Variants in ARHGAP27 observed in about 807,000 individuals in gnomAD.
ARHGAP27 encodes the protein Rho GTPase activating protein 27, also known as rho GTPase-activating protein 27.
ARHGAP27 carries 53 observed loss-of-function variants against 102.0 expected under a neutral mutation model. That is an observed-to-expected ratio of 0.52 (90% CI 0.42 to 0.65). ARHGAP27 has a LOEUF of 0.65. ARHGAP27 is among the 30% of genes least tolerant of loss of function. ARHGAP27 has a pLI of 0.00. For missense variants in ARHGAP27, 1,117 were observed against 1,256.2 expected, an observed-to-expected ratio of 0.89 and a Z score of 1.68; for synonymous variants, 525 against 542.8, an observed-to-expected ratio of 0.97 and a Z score of 0.46.
rs140457002 is a variant in ARHGAP27 at position 45,410,138 on chromosome 17, A to G, written c.658-4055T>C. The G allele has an allele frequency of 2.5e-3, 3,561 of 1,398,828 alleles. 32 individuals carry two copies. In the African/African-American group the frequency reaches 0.026, roughly 10 times the overall value. The allele number at this position is 1,398,828 out of a possible 1,614,324, so 86.7% of individuals were successfully genotyped here. A position where few individuals can be genotyped will look rare whatever the true frequency, so the allele number is the denominator to read the frequency against. ...AAGGAAGTATGAGCCCCAACTTCCA[A>G]GAGGCTCCCTGCTCTAAGCCCCAGC... On this transcript the variant is annotated intron_variant, in intron 4 of 19. Coordinates refer to ENST00000685559, the MANE Select transcript of ARHGAP27 (RefSeq NM_001282290.2).
At position 45,396,190 on chromosome 17, in the gene ARHGAP27, T is replaced by C. The variant is rs777341708; in HGVS notation, c.2251+17A>G. 1 of 1,600,864 alleles carries C rather than the reference T, an allele frequency of 6.2e-7. No homozygotes were observed. Among genetic ancestry groups the C allele is most frequent in the Non-Finnish European group, 8.5e-7 (1 of 1,172,680 alleles). On this transcript the variant is annotated intron_variant, in intron 17 of 19. Coordinates refer to ENST00000685559, the MANE Select transcript of ARHGAP27 (RefSeq NM_001282290.2). ...GCGCCTTCAGGCCCTGGGGCAGGGG[T>C]TGGGGACGGGCCTCACCGTGGTCCA...
At chr17:45,429,263 C>A in intron 4 of ARHGAP27, 1 of 603,044 alleles carries the variant, frequency 1.7e-6, no homozygotes, top group Non-Finnish European at 2.6e-6. Flanking sequence ...CTTGGGGCAG[C>A]AGCCGACCAT....
At position 45,395,770 on chromosome 17, in the gene ARHGAP27, C is replaced by T. The variant is rs766854891; in HGVS notation, c.2466G>A (p.Leu822=). 1.9e-6 allele frequency: 3 copies of T among 1,602,340 alleles called. No homozygotes were observed. Among genetic ancestry groups the T allele is most frequent in the Non-Finnish European group, 2.5e-6 (3 of 1,177,088 alleles). The change falls in exon 19 of 20, where the codon CTG becomes CTA. Residue 822 remains leucine (L), a synonymous_variant. Transcript: ENST00000685559. ...RSLPAPNHDT[L]RMLFQHLCRV... is the part of the protein sequence containing the mutation. The stretch of plus-strand genomic sequence containing the variant: ...GGCAGAGGTGCTGGAAGAGCATCCG[C>T]AGAGTGTCGTGGTTGGGAGCGGGCA...
chr17:45,406,030 G>A lies in ARHGAP27; in HGVS notation c.711C>T (p.Ala237=), dbSNP rs2047123296. 6 of 1,534,124 alleles carry A rather than the reference G, an allele frequency of 3.9e-6. No homozygotes were observed. The East Asian group carries it at 1.2e-4, about 31-fold the overall frequency. ...GGGCTGCAGCGGCGCCCGGTGAAGT[G>A]GCCCGGGGCTGCCTCTCTATGTTCG... ...VYANIERQPR[A]TSPGAAAAPL... is the part of the protein sequence containing the mutation. Residue 237 remains alanine, a synonymous_variant, in exon 5 of 20, where the codon GCC becomes GCT. Coordinates refer to ENST00000685559, the MANE Select transcript of ARHGAP27 (RefSeq NM_001282290.2).
chr17:45,429,949 C>T lies in ARHGAP27; in HGVS notation c.331G>A (p.Glu111Lys), dbSNP rs899241844. The T allele has an allele frequency of 8.0e-6, 9 of 1,130,208 alleles. No homozygotes were observed. The African/African-American group carries it at 1.3e-4, about 17-fold the overall frequency. The allele number at this position is 1,130,208 out of a possible 1,614,324, so 70.0% of individuals were successfully genotyped here. The change falls in exon 4 of 20, where the codon GAG becomes AAG. Residue 111 changes from glutamate (E) to lysine (K), a missense_variant. Transcript: ENST00000685559. ...GAGCTGGCTCGGCCTCCGGACTCCTCGGGGGCGCCGTCGGGGCCCGCGGTC... is the reference window on the plus strand; with the variant it reads ...GAGCTGGCTCGGCCTCCGGACTCCTTGGGGGCGCCGTCGGGGCCCGCGGTC... ...AATAGPDGAP[E>K]ESGGRASSLC...
At chr17:45,421,344 C>T (rs2106720) in intron 4 of ARHGAP27, among the ~76,000 whole-genome samples, 104,766 of 150,550 alleles carry the variant, frequency 0.7, 36,634 homozygotes, top group African/African-American at 0.73. Flanking sequence ...TAGCTGGGCA[C>T]GGTGGCGTGC....
Position 45,430,307 on chromosome 17 carries a change from A to G in ARHGAP27, c.-18-10T>C. Reference sequence around the variant, plus strand: ...CAGCCGCGGCGTTTTCCTGCGGGCAACAAGAAGGAGGGCCGCGGAGGTCAA... The same window carrying G: ...CAGCCGCGGCGTTTTCCTGCGGGCAGCAAGAAGGAGGGCCGCGGAGGTCAA... On this transcript the variant is annotated splice_polypyrimidine_tract_variant and intron_variant, in intron 3 of 19. Transcript: ENST00000685559. This position sits in a 1 kb window ranked among gnomAD's most constrained non-coding sequence, Gnocchi z 4.4. The G allele has an allele frequency of 6.5e-7, 1 of 1,543,690 alleles. No homozygotes were observed.
chr17:45,409,732 G>T (rs2047667944), intron 4 of ARHGAP27: 1 of 157,708 alleles, frequency 6.3e-6, no homozygotes, highest in African/African-American at 2.4e-5. Flanking sequence ...CCTGGGGCCA[G>T]GTGCAGTCAC....
intron 4 of ARHGAP27, among the ~76,000 whole-genome samples, chr17:45,426,751 T>C (rs2049647526): frequency 6.6e-6 from 1 of 152,112 alleles, no homozygotes. Context: ...GGCCACACTG[T>C]GTCTCTCTCC....
chr17:45,410,346 A>AG, intron 4 of ARHGAP27: 1 of 1,434,108 alleles, frequency 7.0e-7, no homozygotes, highest in East Asian at 2.8e-5. Flanking sequence ...GGTAGAGCCC[A>AG]GGGGCACTAC....
chr17:45,431,872 G>C (rs2050078233), intron 2 of ARHGAP27, 120 bp from the exon 3 acceptor site: 1 of 180,534 alleles, frequency 5.5e-6, no homozygotes, highest in African/African-American at 2.4e-5. Context: ...ACCTTGGGGG[G>C]CATTGGGACG....
At chr17:45,401,153 G>C (rs933987341) in intron 12 of ARHGAP27, among the ~76,000 whole-genome samples, 1 of 152,030 alleles carries the variant, frequency 6.6e-6, no homozygotes, top group Non-Finnish European at 1.5e-5. Context: ...ACCTGCCTGG[G>C]CAACATAGTG....
Position 45,395,407 on chromosome 17 carries a change from C to T in ARHGAP27, c.*49G>A. ...GCCCGGCTGCGTGGCCTCCGCCGCCCAGCTTGTGTGGCAGGACCGCGGCCG... is the reference window on the plus strand; with the variant it reads ...GCCCGGCTGCGTGGCCTCCGCCGCCTAGCTTGTGTGGCAGGACCGCGGCCG... On this transcript the variant is annotated 3_prime_UTR_variant, in exon 20 of 20. Transcript: ENST00000685559. 1.3e-6 allele frequency: 2 copies of T among 1,521,844 alleles called. No homozygotes were observed. Among genetic ancestry groups the T allele is most frequent in the South Asian group, 1.3e-5 (1 of 79,868 alleles). 94.3% of individuals were successfully genotyped at this position (1,521,844 alleles called of 1,614,324 possible). A position where few individuals can be genotyped will look rare whatever the true frequency, so the allele number is the denominator to read the frequency against.
chr17:45,422,663 AC>A (rs1340504050), intron 4 of ARHGAP27, among the ~76,000 whole-genome samples: 1 of 152,176 alleles, frequency 6.6e-6, no homozygotes, highest in Non-Finnish European at 1.5e-5. Flanking sequence ...CATCCTCCTG[AC>A]AGCGTCGTAG....
At chr17:45,398,974 G>A (rs947542020) in intron 12 of ARHGAP27, among the ~76,000 whole-genome samples, 1 of 151,888 alleles carries the variant, frequency 6.6e-6, no homozygotes, top group Non-Finnish European at 1.5e-5. Context: ...CACATCTTCT[G>A]TTAGCCCGCT....
At chr17:45,409,995 G>T in intron 4 of ARHGAP27, 1 of 555,008 alleles carries the variant, frequency 1.8e-6, no homozygotes, top group Non-Finnish European at 3.1e-6. Context: ...CTGCCTTACA[G>T]TGGTTCACCC....
At chr17:45,402,311 CCCTACT>C (rs1318824072) in intron 12 of ARHGAP27, among the ~76,000 whole-genome samples, 1 of 152,176 alleles carries the variant, frequency 6.6e-6, no homozygotes, top group Non-Finnish European at 1.5e-5. Context: ...CTCCCAGAGG[CCCTACT>C]CCTCACCACC....
At chr17:45,420,528 A>T (rs867464036) in intron 4 of ARHGAP27, among the ~76,000 whole-genome samples, 17 of 151,406 alleles carry the variant, frequency 1.1e-4, no homozygotes, top group South Asian at 4.3e-4. Context: ...GCTTTGATTT[A>T]AAAAAAAACC....
At chr17:45,412,876 C>T (rs564823234) in intron 4 of ARHGAP27, among the ~76,000 whole-genome samples, 73 of 146,988 alleles carry the variant, frequency 5.0e-4, no homozygotes, top group African/African-American at 1.7e-3. Context: ...TGGTTTGGGC[C>T]GGGACCTGGG....
Sources: gnomAD v4.1 joint callset for allele counts (sites outside exome capture counted in the v4.1 genomes callset) on GRCh38, gnomAD v4.1.1 for gene constraint, Gnocchi (gnomAD v3.1) non-coding constraint, MANE v1.5 for transcripts, NCBI Gene and HGNC (gene_info 2026-07-23, HGNC 2026-07-21) for gene names.